The following INPP5B variants were observed in gnomAD, a reference collection of about 807,000 sequenced individuals.
The protein encoded by INPP5B is inositol polyphosphate-5-phosphatase B, also known as type II inositol 1,4,5-trisphosphate 5-phosphatase.
A neutral mutation model predicts 118.5 loss-of-function variants in INPP5B; 90 were observed. That is an observed-to-expected ratio of 0.76 (90% CI 0.64 to 0.90). The LOEUF (loss-of-function observed/expected upper bound fraction) is 0.90, where lower values mean the gene tolerates loss of function less well. Among genes scored for constraint, INPP5B ranks in the 40% least tolerant of loss-of-function variants. The pLI is 0.00. For missense variants in INPP5B, 984 were observed against 1,125.6 expected, an observed-to-expected ratio of 0.87 and a Z score of 1.80; for synonymous variants, 385 against 418.9, an observed-to-expected ratio of 0.92 and a Z score of 0.99.
chr1:37,878,842 G>A (rs1285007935), intron 15 of INPP5B, among the ~76,000 whole-genome samples: 7 of 151,410 alleles, frequency 4.6e-5, no homozygotes, highest in African/African-American at 1.7e-4. Flanking sequence ...TAGAGGTGGG[G>A]TTTCACCATG....
At chr1:37,871,895 CAAA>C (rs368128622) in intron 19 of INPP5B, among the ~76,000 whole-genome samples, 4 of 112,546 alleles carry the variant, frequency 3.6e-5, no homozygotes, top group Admixed American at 9.3e-5. Flanking sequence ...GACTCTGTTT[CAAA>C]AAAAAAAAAA....
Position 37,862,264 on chromosome 1 carries a change from AGGT to A in INPP5B, c.*48_*50del. 1.5e-6 allele frequency: 1 copy of A among 652,156 alleles called. No individual in the cohort carries two copies. Among genetic ancestry groups the A allele is most frequent in the Non-Finnish European group, 2.5e-6 (1 of 401,306 alleles). The allele number at this position is 652,156 out of a possible 1,614,324, so 40.4% of individuals were successfully genotyped here. A position where few individuals can be genotyped will look rare whatever the true frequency, so the allele number is the denominator to read the frequency against. The stretch of plus-strand genomic sequence containing the variant: ...CTTAAGGCATCTCTTGAGCTGAAAC[AGGT>A]GGGGCTGGTAATTGGCAGCCTCAAG... On this transcript the variant is annotated 3_prime_UTR_variant, in exon 24 of 24. Transcript: ENST00000373024.
chr1:37,892,119 A>C (rs1343596434), intron 7 of INPP5B, among the ~76,000 whole-genome samples: 1 of 152,214 alleles, frequency 6.6e-6, no homozygotes. Context: ...TGGAAAAGCC[A>C]TCTAACCTCT....
intron 7 of INPP5B, among the ~76,000 whole-genome samples, chr1:37,913,445 C>T (rs1275997127): frequency 1.3e-5 from 2 of 152,084 alleles, no homozygotes; most frequent in Non-Finnish European, 2.9e-5. Flanking sequence ...TGGGTCCTCC[C>T]AATTCTTAGT....
In INPP5B at chr1:37,860,889, G is replaced by A. The variant is rs1195218387; in HGVS notation, c.*1426C>T. On this transcript the variant is annotated 3_prime_UTR_variant, in exon 24 of 24. Coordinates refer to ENST00000373024, the MANE Select transcript of INPP5B (RefSeq NM_005540.3). ...ACCCGGGCTGGCGTACAGTGATGTG[G>A]TCATAGGTCACTGCAGCCTCAAACT... The A allele has an allele frequency of 2.0e-5, 3 of 152,188 alleles. No homozygotes were observed. Among genetic ancestry groups the A allele is most frequent in the Non-Finnish European group, 2.9e-5 (2 of 68,042 alleles). 9.4% of individuals were successfully genotyped at this position (152,188 alleles called of 1,614,324 possible).
chr1:37,868,742 C>A, intron 19 of INPP5B, 128 bp from the exon 20 acceptor site: 1 of 678,258 alleles, frequency 1.5e-6, no homozygotes, highest in South Asian at 1.6e-5. Flanking sequence ...ATTCCACAGA[C>A]AGAAATGAAA....
At chr1:37,931,284 T>C in intron 7 of INPP5B, 3 of 487,668 alleles carry the variant, frequency 6.2e-6, no homozygotes, top group Non-Finnish European at 1.1e-5. Flanking sequence ...GAAGACTCTA[T>C]CGTAGGCAGG....
At chr1:37,915,426 T>A (rs987603561) in intron 7 of INPP5B, among the ~76,000 whole-genome samples, 1 of 152,248 alleles carries the variant, frequency 6.6e-6, no homozygotes. Flanking sequence ...AATAGTCTCA[T>A]GTCAGTTCAA....
chr1:37,886,554 G>A (rs1436595855), intron 12 of INPP5B, among the ~76,000 whole-genome samples: 1 of 152,210 alleles, frequency 6.6e-6, no homozygotes, highest in Non-Finnish European at 1.5e-5. Flanking sequence ...TCAATAAGAA[G>A]AGGAAATTGC....
chr1:37,885,414 G>GA (rs999406770), intron 13 of INPP5B: 25,146 of 352,074 alleles, frequency 0.071, no homozygotes, highest in East Asian at 0.093. Context: ...ACTCCATCTC[G>GA]AAAAAAAAAA....
At chr1:37,908,907 A>AC (rs1285045725) in intron 7 of INPP5B, among the ~76,000 whole-genome samples, 1 of 152,030 alleles carries the variant, frequency 6.6e-6, no homozygotes, top group African/African-American at 2.4e-5. Context: ...ACTATGGGCA[A>AC]CCTTCCACTC....
chr1:37,903,839 A>G (rs1644414634), intron 7 of INPP5B, among the ~76,000 whole-genome samples: 1 of 152,180 alleles, frequency 6.6e-6, no homozygotes, highest in South Asian at 2.1e-4. Flanking sequence ...GCAGTGAGCC[A>G]AGATCACGGC....
In INPP5B at chr1:37,945,759, T is replaced by A; in HGVS notation, c.149A>T (p.His50Leu). Residue 50 changes from histidine to leucine, a missense_variant, in exon 3 of 24, where the codon CAC (histidine) becomes CTC (leucine). Coordinates refer to ENST00000373024, the MANE Select transcript of INPP5B (RefSeq NM_005540.3). The stretch of plus-strand genomic sequence containing the variant: ...GGGGACCAAGCCCCTCACTCACGCG[T>A]GTTCCTGGCCGCCGTGCTCCAGGCG... ...RYRLEHGGQE[H>L]ALFLYTHRRM... 1 of 1,613,348 alleles carries A rather than the reference T, an allele frequency of 6.2e-7. No homozygotes were observed. The highest frequency in any genetic ancestry group is 1.1e-5 in the South Asian group (1 of 91,018).
At chr1:37,873,212 G>A (rs771197226) in intron 18 of INPP5B, 47 bp from the exon 19 acceptor site, 21 of 1,338,696 alleles carry the variant, frequency 1.6e-5, no homozygotes, top group Admixed American at 1.2e-4. Flanking sequence ...CAGGCCAAGA[G>A]GAAAGGGGAA....
At chr1:37,865,948 A>G (rs1642002852) in intron 21 of INPP5B, 60 bp from the exon 22 acceptor site, 6 of 1,596,126 alleles carry the variant, frequency 3.8e-6, no homozygotes, top group Middle Eastern at 1.7e-4. Flanking sequence ...GAAAAGGCCC[A>G]GGAGCAAGCA....
intron 17 of INPP5B, 75 bp from the exon 18 acceptor site, chr1:37,874,230 G>C (rs1405973707): frequency 1.5e-5 from 17 of 1,114,864 alleles, no homozygotes; most frequent in Middle Eastern, 2.2e-4. Context: ...CAACTGGGCA[G>C]TCCTTACCAT....
intron 23 of INPP5B, among the ~76,000 whole-genome samples, chr1:37,863,986 T>C (rs565827596): frequency 1.4e-4 from 22 of 151,822 alleles, no homozygotes; most frequent in Non-Finnish European, 2.5e-4. Context: ...AGCTAATTTT[T>C]GTATTTTTAG....
At chr1:37,939,935 C>T (rs1645852867) in intron 6 of INPP5B, among the ~76,000 whole-genome samples, 1 of 152,046 alleles carries the variant, frequency 6.6e-6, no homozygotes, top group Non-Finnish European at 1.5e-5. Flanking sequence ...CCCTTATCCC[C>T]TAGTTTGAAT....
chr1:37,872,541 G>GA (rs1213662175), intron 19 of INPP5B, among the ~76,000 whole-genome samples: 5 of 151,740 alleles, frequency 3.3e-5, no homozygotes, highest in Non-Finnish European at 7.4e-5. Context: ...ACTACCTACA[G>GA]AAGACTGAGC....
Sources: gnomAD v4.1 joint callset for allele counts (sites outside exome capture counted in the v4.1 genomes callset) on GRCh38, gnomAD v4.1.1 for gene constraint, MANE v1.5 for transcripts, NCBI Gene and HGNC (gene_info 2026-07-23, HGNC 2026-07-21) for gene names.